Variants in ENPEP observed in about 807,000 individuals in gnomAD.
ENPEP encodes glutamyl aminopeptidase.
In ENPEP, 103 loss-of-function variants were observed where a neutral mutation model predicts 114.5. The observed-to-expected ratio is 0.90, with a 90% confidence interval of 0.77 to 1.06. ENPEP has a LOEUF of 1.06. Ranked by LOEUF, ENPEP falls within the 50% of genes least tolerant of loss-of-function variation. The pLI is 0.00. For synonymous variants in ENPEP, 420 were observed against 422.0 expected (o/e 1.00, Z 0.06); for missense variants, 1,196 against 1,161.3 (o/e 1.03, Z -0.43).
intron 13 of ENPEP, among the ~76,000 whole-genome samples, chr4:110,544,412 G>A (rs566247331): frequency 2.6e-5 from 4 of 152,138 alleles, no homozygotes; most frequent in East Asian, 1.9e-4. Context: ...ATCTACACTC[G>A]TTTTGTAGCT....
chr4:110,556,423 A>T (rs903946992), intron 18 of ENPEP, among the ~76,000 whole-genome samples: 1 of 151,946 alleles, frequency 6.6e-6, no homozygotes, highest in African/African-American at 2.4e-5. Context: ...GTGTCTTTTC[A>T]TGTCTTTAAG....
chr4:110,516,604 G>A (rs963640017), intron 8 of ENPEP, among the ~76,000 whole-genome samples: 5 of 151,892 alleles, frequency 3.3e-5, no homozygotes, highest in African/African-American at 1.2e-4. Flanking sequence ...GATTCCCCAG[G>A]AGAAGGTCAC....
intron 8 of ENPEP, among the ~76,000 whole-genome samples, chr4:110,516,857 G>C (rs1290460485): frequency 2.6e-5 from 4 of 152,166 alleles, no homozygotes; most frequent in East Asian, 1.9e-4. Flanking sequence ...ATGTGCTTGT[G>C]CTTCTGCATC....
At position 110,513,517 on chromosome 4, in the gene ENPEP, A is replaced by C. The variant is rs1230723654; in HGVS notation, c.1411A>C (p.Thr471Pro). 1 of 1,613,382 alleles carries C rather than the reference A, an allele frequency of 6.2e-7. No individual in the cohort carries two copies. The highest frequency in any genetic ancestry group is 1.7e-5 in the Admixed American group (1 of 60,004). ...GACTGTGACAACCCCTGATGAAATA[A>C]CATCTGTTTTTGATGGAATATCCTA... ...IVTVTTPDEI[T>P]SVFDGISYSK... is the part of the protein sequence containing the mutation. The change falls in exon 7 of 20, where the codon ACA becomes CCA. Residue 471 changes from threonine (T) to proline (P), a missense_variant. By Grantham distance (38) the Thr-to-Pro change is conservative. Coordinates refer to ENST00000265162, the MANE Select transcript of ENPEP (RefSeq NM_001977.4).
At chr4:110,481,420 C>T (rs1169750659) in intron 1 of ENPEP, among the ~76,000 whole-genome samples, 1 of 151,932 alleles carries the variant, frequency 6.6e-6, no homozygotes, top group Admixed American at 6.6e-5. Flanking sequence ...TGTAGTTTCC[C>T]AACTCTCTGT....
At chr4:110,515,722 T>C (rs1725739906) in intron 8 of ENPEP, 2 of 525,470 alleles carry the variant, frequency 3.8e-6, no homozygotes, top group Middle Eastern at 4.8e-4. Flanking sequence ...TGGGCTGCCA[T>C]AAGGAAATAC....
intron 19 of ENPEP, among the ~76,000 whole-genome samples, chr4:110,560,592 G>T (rs1006675408): frequency 7.9e-5 from 12 of 152,110 alleles, no homozygotes; most frequent in Non-Finnish European, 1.6e-4. Context: ...GTGGCGGGGG[G>T]CTGAGAAGGC....
chr4:110,531,968 T>C (rs1726422869), intron 11 of ENPEP, among the ~76,000 whole-genome samples: 1 of 152,196 alleles, frequency 6.6e-6, no homozygotes, highest in African/African-American at 2.4e-5. Flanking sequence ...GTATGGACTT[T>C]CACTTGTGTC....
At chr4:110,524,092 T>C (rs1726105708) in intron 10 of ENPEP, among the ~76,000 whole-genome samples, 1 of 152,130 alleles carries the variant, frequency 6.6e-6, no homozygotes, top group Non-Finnish European at 1.5e-5. Flanking sequence ...TTAAATTTTA[T>C]ATTAAAAGAG....
Position 110,516,467 on chromosome 4 carries a change from T to A in ENPEP, c.1509+1025T>A, listed in dbSNP as rs186614270. ...TCCTACTCTTTCCCTTCCACCTACATCCTGCCTGCTGCGATAACCCAGGTA... is the reference window on the plus strand; with the variant it reads ...TCCTACTCTTTCCCTTCCACCTACAACCTGCCTGCTGCGATAACCCAGGTA... On this transcript the variant is annotated intron_variant, in intron 8 of 19. Coordinates refer to ENST00000265162, the MANE Select transcript of ENPEP (RefSeq NM_001977.4). Among the ~76,000 whole-genome samples the A allele has an allele frequency of 2.9e-3, 447 of 152,288 alleles. 2 individuals are homozygous for A. Among genetic ancestry groups the A allele is most frequent in the African/African-American group, 0.01 (426 of 41,564 alleles).
chr4:110,486,560 C>G (rs1156573132), intron 1 of ENPEP, among the ~76,000 whole-genome samples: 1 of 152,136 alleles, frequency 6.6e-6, no homozygotes, highest in Admixed American at 6.5e-5. Context: ...ATTCAGATCT[C>G]GGCAAACCAA....
intron 11 of ENPEP, among the ~76,000 whole-genome samples, chr4:110,539,967 T>A (rs1375865534): frequency 6.6e-6 from 1 of 152,104 alleles, no homozygotes; most frequent in Non-Finnish European, 1.5e-5. Context: ...AGGCTCTCGA[T>A]GAAATTTTGA....
In ENPEP at chr4:110,510,442, G is replaced by C; in HGVS notation, c.1308+84G>C. On this transcript the variant is annotated intron_variant, in intron 6 of 19. Transcript: ENST00000265162. ...GCCTTTGGACTATGATAATGGTCCC[G>C]AGTCAGATGGCAAGTACAGTGGTGA... is the stretch of plus-strand genomic sequence containing the variant. 7.1e-6 allele frequency: 8 copies of C among 1,130,688 alleles called. 1 individual carries two copies. In the South Asian group the frequency reaches 1.1e-4, roughly 15 times the overall value. The allele number at this position is 1,130,688 out of a possible 1,614,324, so 70.0% of individuals were successfully genotyped here.
intron 17 of ENPEP, among the ~76,000 whole-genome samples, chr4:110,552,138 A>T (rs943948549): frequency 1.1e-4 from 17 of 152,180 alleles, no homozygotes; most frequent in African/African-American, 3.9e-4. Flanking sequence ...AACAGGACCC[A>T]CAAGTCGAAG....
chr4:110,514,985 T>C (rs1489917711), intron 7 of ENPEP, among the ~76,000 whole-genome samples: 1 of 152,170 alleles, frequency 6.6e-6, no homozygotes, highest in East Asian at 1.9e-4. Flanking sequence ...TATGAAAATA[T>C]ATTTAATAAG....
At position 110,561,454 on chromosome 4, in the gene ENPEP, C is replaced by G. The variant is rs1200171789; in HGVS notation, c.2770C>G (p.Pro924Ala). 1 of 1,613,798 alleles carries G rather than the reference C, an allele frequency of 6.2e-7. No homozygotes were observed. The highest frequency in any genetic ancestry group is 8.5e-7 in the Non-Finnish European group (1 of 1,179,946). The stretch of plus-strand genomic sequence containing the variant: ...TCCACAAGCTGGAGCAGGAGAAAAA[C>G]CTAGGGAACAAGTGCTGGAAACAGT... ...KYPQAGAGEK[P>A]REQVLETVKN... The change falls in exon 20 of 20, where the codon CCT (proline) becomes GCT (alanine). Residue 924 changes from proline (P) to alanine (A), a missense_variant. Pro to Ala is a conservative substitution (Grantham distance 27). Transcript: ENST00000265162.
chr4:110,543,208 T>C lies in ENPEP; in HGVS notation c.2000+138T>C. ...AGCCACTATTTAAAACATTATTGTT[T>C]TCCTTAACTCTCTTTTCAAAAGTTC... On this transcript the variant is annotated intron_variant, in intron 13 of 19. Coordinates refer to ENST00000265162, the MANE Select transcript of ENPEP (RefSeq NM_001977.4). 9.6e-6 allele frequency: 8 copies of C among 830,624 alleles called. No homozygotes were observed. In the South Asian group the frequency reaches 1.4e-4, roughly 14 times the overall value. The allele number at this position is 830,624 out of a possible 1,614,324, so 51.5% of individuals were successfully genotyped here.
chr4:110,500,787 A>G, intron 3 of ENPEP, among the ~76,000 whole-genome samples: 1 of 152,222 alleles, frequency 6.6e-6, no homozygotes, highest in East Asian at 1.9e-4. Flanking sequence ...TTAAATAATG[A>G]TGACGAGTCA....
intron 3 of ENPEP, among the ~76,000 whole-genome samples, chr4:110,502,330 T>C (rs974896389): frequency 2.0e-5 from 3 of 152,234 alleles, no homozygotes; most frequent in African/African-American, 7.2e-5. Flanking sequence ...TCTTTTGGCA[T>C]CTTTGTCATG....
Sources: gnomAD v4.1 joint callset for allele counts (sites outside exome capture counted in the v4.1 genomes callset) on GRCh38, gnomAD v4.1.1 for gene constraint, MANE v1.5 for transcripts, NCBI Gene and HGNC (gene_info 2026-07-23, HGNC 2026-07-21) for gene names.